The following ANKRD11 variants were observed in gnomAD, a reference collection of about 807,000 sequenced individuals.
ANKRD11 encodes ankyrin repeat domain-containing protein 11.
In ANKRD11, 17 loss-of-function variants were observed where a neutral mutation model predicts 195.7. The ratio of observed to expected loss-of-function variants is 0.09; its 90% CI spans 0.06 to 0.13. The LOEUF (loss-of-function observed/expected upper bound fraction) is 0.13. Ranked by LOEUF, ANKRD11 falls within the 10% of genes least tolerant of loss-of-function variation. The pLI, the probability that ANKRD11 is intolerant of heterozygous loss-of-function variation, is 1.00. For missense variants in ANKRD11, 3,735 were observed against 3,566.1 expected (o/e 1.05, Z -1.21); for synonymous variants, 1,953 against 1,528.1 (o/e 1.28, Z -6.49).
At chr16:89,274,066 G>A (rs2033422976) in intron 11 of ANKRD11, among the ~76,000 whole-genome samples, 1 of 152,200 alleles carries the variant, frequency 6.6e-6, no homozygotes, top group Admixed American at 6.5e-5. Context: ...GGAGAGCCAG[G>A]GGTCCCACAT....
chr16:89,281,409 G>C lies in ANKRD11; in HGVS notation c.5133C>G (p.Ser1711=). ...GCATCACCTCCTCGTAGCTGGGGCA[G>C]GATAGCACCGACGTAGGGGTGGGCA... The part of the protein sequence containing the change: ...TGVPTPTSVL[S]CPSYEEVMHT... The change falls in exon 9 of 13, where the codon TCC becomes TCG. Residue 1711 remains serine (S), a synonymous_variant. Transcript: ENST00000301030. This position sits in a 1 kb window ranked among gnomAD's most constrained non-coding sequence, Gnocchi z 5.5. The C allele has an allele frequency of 1.2e-6, 2 of 1,611,114 alleles. No homozygotes were observed. Among genetic ancestry groups the C allele is most frequent in the South Asian group, 1.1e-5 (1 of 90,956 alleles).
At chr16:89,433,322 A>C (rs1296304755) in intron 1 of ANKRD11, among the ~76,000 whole-genome samples, 3 of 152,202 alleles carry the variant, frequency 2.0e-5, no homozygotes, top group Non-Finnish European at 4.4e-5. Flanking sequence ...CCTACAAGTT[A>C]ATTAGTCCAT....
rs2151701964 is a variant in ANKRD11 at position 89,274,937 on chromosome 16, A to G, written c.7590T>C (p.Cys2530=). ...AGTGAACCCGCAGAATCTCCTGCTC[A>G]CAGGATACGATCAGCTTCTCCTGAA... ...SIEREKLIVS[C]EQEILRVHCR... The change falls in exon 11 of 13, where the codon TGT becomes TGC. Residue 2530 remains cysteine (C), a synonymous_variant. Coordinates refer to ENST00000301030, the MANE Select transcript of ANKRD11 (RefSeq NM_013275.6). 1.2e-6 allele frequency: 2 copies of G among 1,613,562 alleles called. No homozygotes were observed. The highest frequency in any genetic ancestry group is 4.5e-5 in the East Asian group (2 of 44,882).
In ANKRD11 at chr16:89,368,608, T is replaced by TA. The variant is rs34142081; in HGVS notation, c.-60+49675dup. ...GACAGCAATAAAAACACGCAGCTCT[T>TA]AAAAAAAAAAAAAAAAGGGCTGGGT... is the stretch of plus-strand genomic sequence containing the variant. On this transcript the variant is annotated intron_variant, in intron 2 of 12. Transcript: ENST00000301030. Among the ~76,000 whole-genome samples the TA allele has an allele frequency of 1.0e-2, 1,311 of 131,636 alleles. 15 individuals are homozygous for TA. The highest frequency in any genetic ancestry group is 0.025 in the African/African-American group (909 of 36,074). 86.4% of individuals were successfully genotyped at this position (131,636 alleles called of 152,430 possible). A position where few individuals can be genotyped will look rare whatever the true frequency, so the allele number is the denominator to read the frequency against.
chr16:89,429,032 G>C (rs1454537813), intron 1 of ANKRD11, among the ~76,000 whole-genome samples: 1 of 152,222 alleles, frequency 6.6e-6, no homozygotes, highest in African/African-American at 2.4e-5. Context: ...TGGGGGTTGG[G>C]GGGAGGGAAG....
Position 89,270,903 on chromosome 16 carries a change from C to G in ANKRD11, c.7720G>C (p.Glu2574Gln). The part of the protein sequence containing the change: ...YNMPLESQGD[E>Q]NKSVRDRFNA... ...AAACGGTCGCGCACTGACTTGTTCT[C>G]GTCACCCTGTGGAAACCAAACACGG... The change falls in exon 12 of 13, where the codon GAG becomes CAG. Residue 2574 changes from glutamate (E) to glutamine (Q), a missense_variant. Coordinates refer to ENST00000301030, the MANE Select transcript of ANKRD11 (RefSeq NM_013275.6). 1.2e-6 allele frequency: 2 copies of G among 1,613,942 alleles called. No homozygotes were observed. The highest frequency in any genetic ancestry group is 1.7e-6 in the Non-Finnish European group (2 of 1,179,974).
chr16:89,336,669 G>C (rs780838750), intron 2 of ANKRD11, among the ~76,000 whole-genome samples: 1 of 152,156 alleles, frequency 6.6e-6, no homozygotes, highest in Non-Finnish European at 1.5e-5. Context: ...GCCACGACAG[G>C]GAGCACAGGC....
In ANKRD11 at chr16:89,490,463, T is replaced by G. The variant is rs1326871893; in HGVS notation, c.-363A>C. 2.6e-6 allele frequency: 1 copy of G among 390,476 alleles called. No individual in the cohort carries two copies. Among genetic ancestry groups the G allele is most frequent in the Non-Finnish European group, 4.6e-6 (1 of 219,684 alleles). The allele number at this position is 390,476 out of a possible 1,614,324, so 24.2% of individuals were successfully genotyped here. On this transcript the variant is annotated 5_prime_UTR_variant, in exon 1 of 13. Transcript: ENST00000301030. ...CTCGGGCGAGAGCCGCGGCTCCCGG[T>G]GCGGACGCTACTGATGGGGCGTCTG...
chr16:89,408,181 G>C (rs2041984021), intron 2 of ANKRD11, among the ~76,000 whole-genome samples: 1 of 152,174 alleles, frequency 6.6e-6, no homozygotes. Flanking sequence ...GCAAGCACTG[G>C]ATGCATACAG....
At chr16:89,318,627 T>C (rs981257651) in intron 2 of ANKRD11, among the ~76,000 whole-genome samples, 3 of 152,206 alleles carry the variant, frequency 2.0e-5, no homozygotes, top group Non-Finnish European at 2.9e-5. Context: ...AAAGGATACG[T>C]TGCATGCCAC....
chr16:89,414,342 C>G (rs981266946), intron 2 of ANKRD11, among the ~76,000 whole-genome samples: 1 of 152,080 alleles, frequency 6.6e-6, no homozygotes, highest in Non-Finnish European at 1.5e-5. Context: ...ATGGAACACC[C>G]ACATGTTGCA....
intron 2 of ANKRD11, among the ~76,000 whole-genome samples, chr16:89,387,437 C>T (rs1388489101): frequency 1.3e-5 from 2 of 151,912 alleles, no homozygotes; most frequent in African/African-American, 2.4e-5. Flanking sequence ...CTTTGGGAGG[C>T]TGAGGCGGGC....
rs1171453840 is a variant in ANKRD11, at chr16:89,353,332, A to C, written c.-59-36254T>G. Among the ~76,000 whole-genome samples the C allele has an allele frequency of 2.0e-5, 3 of 151,144 alleles. No homozygotes were observed. The East Asian group carries it at 5.9e-4, about 30-fold the overall frequency. ...ACTCCAGCCTGGGTGACAGAGTGAG[A>C]CTCCAACTCCAAAAAAAAAGAGAGA... On this transcript the variant is annotated intron_variant, in intron 2 of 12. Transcript: ENST00000301030.
chr16:89,379,732 G>A (rs764955843), intron 2 of ANKRD11, among the ~76,000 whole-genome samples: 4 of 152,218 alleles, frequency 2.6e-5, no homozygotes, highest in South Asian at 2.1e-4. Flanking sequence ...TGCGAAGAAC[G>A]TGTTGGTTCT....
intron 2 of ANKRD11, among the ~76,000 whole-genome samples, chr16:89,401,045 C>T (rs1053534004): frequency 6.6e-6 from 1 of 152,198 alleles, no homozygotes; most frequent in Non-Finnish European, 1.5e-5. Flanking sequence ...CCACAACACG[C>T]TGGCCCTCAA....
At chr16:89,448,113 C>A (rs746149193) in intron 1 of ANKRD11, among the ~76,000 whole-genome samples, 2 of 146,738 alleles carry the variant, frequency 1.4e-5, no homozygotes, top group Admixed American at 1.4e-4. Context: ...TATTCTCTCA[C>A]TGAAGCAGGG....
rs377284083 is a variant in ANKRD11 at position 89,286,151 on chromosome 16, C to T, written c.780G>A (p.Pro260=). Residue 260 remains proline (P), a synonymous_variant, in exon 8 of 13, where the codon CCG becomes CCA. Transcript: ENST00000301030. ...TCTCGCCTTTCCTGTTGCTCTGCTGCGGGTTCCCTCCGTACCGCAGCAGCA... is the reference window on the plus strand; with the variant it reads ...TCTCGCCTTTCCTGTTGCTCTGCTGTGGGTTCCCTCCGTACCGCAGCAGCA... ...VKLLLRYGGN[P]QQSNRKGETP... is the part of the protein sequence containing the mutation. 2.5e-5 allele frequency: 40 copies of T among 1,613,890 alleles called. No homozygotes were observed. Among genetic ancestry groups the T allele is most frequent in the Admixed American group, 5.0e-5 (3 of 60,012 alleles).
chr16:89,439,378 T>C (rs2152288130), intron 1 of ANKRD11, among the ~76,000 whole-genome samples: 1 of 152,352 alleles, frequency 6.6e-6, no homozygotes, highest in South Asian at 2.1e-4. Flanking sequence ...TGACTTGCAA[T>C]GGGGTTACCT....
intron 11 of ANKRD11, chr16:89,272,278 C>T (rs1411669993): frequency 6.6e-6 from 1 of 152,190 alleles, no homozygotes; most frequent in Non-Finnish European, 1.5e-5. Context: ...AAAGGGAACC[C>T]TCGTACCCCG....
Sources: allele counts gnomAD v4.1 joint callset (sites outside exome capture counted in the v4.1 genomes callset), GRCh38; gene constraint gnomAD v4.1.1; non-coding constraint Gnocchi (gnomAD v3.1); transcripts MANE v1.5; gene names NCBI Gene and HGNC (gene_info 2026-07-23, HGNC 2026-07-21).